The following CYP2C18 variants were observed in gnomAD, a reference collection of about 807,000 sequenced individuals.
CYP2C18 encodes cytochrome P450 2C18.
CYP2C18 carries 38 observed loss-of-function variants against 41.3 expected under a neutral mutation model. That is an observed-to-expected ratio of 0.92 (90% confidence interval 0.71 to 1.21). CYP2C18 has a LOEUF of 1.21. CYP2C18 is among the 50% of genes most tolerant of loss of function. The pLI, the probability that CYP2C18 is intolerant of heterozygous loss-of-function variation, is 0.00. For missense variants in CYP2C18, 635 were observed against 591.4 expected (o/e 1.07, Z -0.77); for synonymous variants, 236 against 210.0 (o/e 1.12, Z -1.07).
chr10:94,724,747 G>A (rs139515862), intron 7 of CYP2C18, among the ~76,000 whole-genome samples: 192 of 148,796 alleles, frequency 1.3e-3, no homozygotes, highest in African/African-American at 4.6e-3. Flanking sequence ...AATTTGTTCT[G>A]CTTCTTTAGT....
At chr10:94,697,119 A>C (rs1412712721) in intron 4 of CYP2C18, among the ~76,000 whole-genome samples, 1 of 152,198 alleles carries the variant, frequency 6.6e-6, no homozygotes, top group Non-Finnish European at 1.5e-5. Flanking sequence ...AAATTCAGGA[A>C]ATACAGAGAA....
rs1380006980 is a variant in CYP2C18 at position 94,735,829 on chromosome 10, T to C, written c.*385T>C. On this transcript the variant is annotated 3_prime_UTR_variant, in exon 9 of 9. Transcript: ENST00000285979. Reference sequence around the variant, plus strand: ...TATTTACTGGGTCAGTTCTTAGATTTCTTTCTTTTGAGTAAAATGAAAGTA... The same window carrying C: ...TATTTACTGGGTCAGTTCTTAGATTCCTTTCTTTTGAGTAAAATGAAAGTA... 5.8e-6 allele frequency: 1 copy of C among 171,638 alleles called. No individual in the cohort carries two copies. Among genetic ancestry groups the C allele is most frequent in the East Asian group, 1.5e-4 (1 of 6,510 alleles). 10.6% of individuals were successfully genotyped at this position (171,638 alleles called of 1,614,324 possible).
intron 4 of CYP2C18, among the ~76,000 whole-genome samples, chr10:94,700,603 CA>C (rs1269585230): frequency 6.6e-6 from 1 of 152,200 alleles, no homozygotes; most frequent in Non-Finnish European, 1.5e-5. Context: ...GCAATGGCAA[CA>C]AAAGCCAAAT....
rs557626198 is a variant in CYP2C18 at position 94,735,368 on chromosome 10, A to G, written c.1397A>G (p.Asp466Gly). Residue 466 changes from aspartate (D) to glycine (G), a missense_variant, in exon 9 of 9, where the codon GAT becomes GGT. By Grantham distance (94) the Asp-to-Gly change is moderately conservative. Transcript: ENST00000285979. The part of the protein sequence containing the change: ...FNLKSQVDPK[D>G]IDITPIANAF... ...CTGAAATCTCAGGTTGACCCAAAGGATATTGACATCACCCCCATTGCCAAT... is the reference window on the plus strand; with the variant it reads ...CTGAAATCTCAGGTTGACCCAAAGGGTATTGACATCACCCCCATTGCCAAT... The G allele has an allele frequency of 1.2e-6, 2 of 1,613,762 alleles. No homozygotes were observed. The highest frequency in any genetic ancestry group is 8.5e-7 in the Non-Finnish European group (1 of 1,179,752).
At chr10:94,695,498 G>A (rs566794732) in intron 4 of CYP2C18, among the ~76,000 whole-genome samples, 1 of 152,224 alleles carries the variant, frequency 6.6e-6, no homozygotes, top group South Asian at 2.1e-4. Flanking sequence ...TGTCTGTAAA[G>A]GATTTTATTT....
chr10:94,719,862 C>T (rs935546185), intron 5 of CYP2C18, among the ~76,000 whole-genome samples: 6 of 152,006 alleles, frequency 3.9e-5, no homozygotes, highest in African/African-American at 1.4e-4. Context: ...GCATGTGCCA[C>T]CATGCCTGGC....
intron 8 of CYP2C18, 43 bp from the exon 9 acceptor site, chr10:94,735,220 C>A: frequency 6.3e-7 from 1 of 1,577,906 alleles, no homozygotes; most frequent in Middle Eastern, 1.8e-4. Context: ...CTGTTCATGA[C>A]CTAATGTTCA....
At chr10:94,694,070 A>AT (rs1263337665) in intron 3 of CYP2C18, among the ~76,000 whole-genome samples, 1 of 152,130 alleles carries the variant, frequency 6.6e-6, no homozygotes, top group South Asian at 2.1e-4. Context: ...AACATAAGGT[A>AT]TTTTTTTGAT....
chr10:94,711,774 T>G (rs1036319163), intron 5 of CYP2C18, among the ~76,000 whole-genome samples: 2 of 152,128 alleles, frequency 1.3e-5, no homozygotes, highest in Admixed American at 6.6e-5. Context: ...ACTGTATTTT[T>G]TAGGGAATAA....
At chr10:94,724,564 A>C in intron 7 of CYP2C18, 31 bp downstream of exon 7, 16 of 1,588,892 alleles carry the variant, frequency 1.0e-5, no homozygotes, top group African/African-American at 2.7e-5. Flanking sequence ...CTACATCTCC[A>C]TGCTCTTCAA....
At chr10:94,728,311 T>C (rs1847775886) in intron 7 of CYP2C18, among the ~76,000 whole-genome samples, 1 of 152,152 alleles carries the variant, frequency 6.6e-6, no homozygotes, top group Non-Finnish European at 1.5e-5. Context: ...TTGCATCATA[T>C]GTGCGGTCCA....
chr10:94,720,506 C>T lies in CYP2C18; in HGVS notation c.930C>T (p.Leu310=), dbSNP rs143695504. 9.7e-5 allele frequency: 156 copies of T among 1,613,264 alleles called. No individual in the cohort carries two copies. In the African/African-American group the frequency reaches 1.9e-3, roughly 20 times the overall value. The change falls in exon 6 of 9, where the codon CTC becomes CTT. Residue 310 remains leucine, a synonymous_variant. Transcript: ENST00000285979. ...ETTSTTLRYG[L]LLLLKYPEVT... is the part of the protein sequence containing the mutation. The stretch of plus-strand genomic sequence containing the variant: ...CGAGCACCACTCTGAGATATGGACT[C>T]CTGCTCCTGCTGAAGTACCCAGAGG...
At chr10:94,689,061 G>A (rs1188483075) in intron 3 of CYP2C18, among the ~76,000 whole-genome samples, 1 of 152,076 alleles carries the variant, frequency 6.6e-6, no homozygotes, top group Non-Finnish European at 1.5e-5. Flanking sequence ...GGCATCTTTA[G>A]TGTAGCTTTT....
chr10:94,712,726 A>G (rs1847461128), intron 5 of CYP2C18, among the ~76,000 whole-genome samples: 1 of 152,174 alleles, frequency 6.6e-6, no homozygotes. Context: ...TCACTGGATC[A>G]TGTTGTAATT....
chr10:94,704,196 G>T (rs190093917), intron 4 of CYP2C18, among the ~76,000 whole-genome samples: 2 of 152,242 alleles, frequency 1.3e-5, no homozygotes, highest in Non-Finnish European at 2.9e-5. Context: ...CCCAATCCCA[G>T]TCCAGAACTT....
chr10:94,702,151 C>G (rs1847257894), intron 4 of CYP2C18, among the ~76,000 whole-genome samples: 1 of 152,208 alleles, frequency 6.6e-6, no homozygotes. Context: ...ACCTTTCTCT[C>G]TGGCTGCCCT....
chr10:94,691,596 A>G (rs1223466480), intron 3 of CYP2C18, among the ~76,000 whole-genome samples: 1 of 152,146 alleles, frequency 6.6e-6, no homozygotes, highest in Non-Finnish European at 1.5e-5. Flanking sequence ...TGGCCATACC[A>G]CCCAAGGTAA....
chr10:94,697,408 T>C (rs1425405358), intron 4 of CYP2C18, among the ~76,000 whole-genome samples: 2 of 152,112 alleles, frequency 1.3e-5, no homozygotes, highest in Non-Finnish European at 2.9e-5. Flanking sequence ...AGAAATAAAA[T>C]CATTTATAGA....
intron 3 of CYP2C18, among the ~76,000 whole-genome samples, chr10:94,694,364 T>C (rs1041447173): frequency 2.6e-5 from 4 of 152,198 alleles, no homozygotes; most frequent in African/African-American, 9.6e-5. Context: ...GATTTTTTCT[T>C]GTATAACATA....
Sources: gnomAD v4.1 joint callset for allele counts (sites outside exome capture counted in the v4.1 genomes callset) on GRCh38, gnomAD v4.1.1 for gene constraint, MANE v1.5 for transcripts, NCBI Gene and HGNC (gene_info 2026-07-23, HGNC 2026-07-21) for gene names.